Variants in CARD9 observed in about 807,000 individuals in gnomAD.
CARD9 encodes the protein caspase recruitment domain-containing protein 9.
In CARD9, 53 loss-of-function variants were observed where a neutral mutation model predicts 66.0. That is an observed-to-expected ratio of 0.80 (90% CI 0.64 to 1.01). The LOEUF is 1.01. Ranked by LOEUF, CARD9 falls within the 50% of genes least tolerant of loss-of-function variation. CARD9 has a pLI of 0.00. For synonymous variants in CARD9, 387 were observed against 313.8 expected (o/e 1.23, Z -2.47); for missense variants, 769 against 743.2 (o/e 1.03, Z -0.40).
At position 136,364,959 on chromosome 9, in the gene CARD9, A is replaced by AGGG. The variant is rs1313130229; in HGVS notation, c.1434+179_1434+181dup. 8 of 528,714 alleles carry AGGG rather than the reference A, an allele frequency of 1.5e-5. No individual in the cohort carries two copies. The East Asian group carries it at 2.4e-4, about 16-fold the overall frequency. 32.8% of individuals were successfully genotyped at this position (528,714 alleles called of 1,614,324 possible). A position where few individuals can be genotyped will look rare whatever the true frequency, so the allele number is the denominator to read the frequency against. On this transcript the variant is annotated intron_variant, in intron 11 of 12. Coordinates refer to ENST00000371732, the MANE Select transcript of CARD9 (RefSeq NM_052813.5). The stretch of plus-strand genomic sequence containing the variant: ...CCCAAGCTGCTGCAGTGCCCAAGAA[A>AGGG]GGGGGATCCACTTCGCAGCCCAGAC...
At position 136,367,663 on chromosome 9, in the gene CARD9, G is replaced by T. The variant is rs754119986; in HGVS notation, c.1243C>A (p.Arg415=). The T allele has an allele frequency of 2.5e-6, 4 of 1,595,366 alleles. No homozygotes were observed. The highest frequency in any genetic ancestry group is 3.4e-6 in the Non-Finnish European group (4 of 1,176,692). The change falls in exon 8 of 13, where the codon CGG becomes AGG. Residue 415 remains arginine, a synonymous_variant. Coordinates refer to ENST00000371732, the MANE Select transcript of CARD9 (RefSeq NM_052813.5). The part of the protein sequence containing the change: ...QLLAVEGRLR[R]QQLETLVLSS... ...AGGACGAGCGTCTCCAGCTGCTGCCGCCTGAGCCTGCCCTCCACGGCCAGT... is the reference window on the plus strand; with the variant it reads ...AGGACGAGCGTCTCCAGCTGCTGCCTCCTGAGCCTGCCCTCCACGGCCAGT...
intron 7 of CARD9, among the ~76,000 whole-genome samples, chr9:136,368,128 G>A (rs2131438769): frequency 6.6e-6 from 1 of 152,344 alleles, no homozygotes; most frequent in African/African-American, 2.4e-5. Flanking sequence ...GACGCGGCTT[G>A]ATATGGAGAC....
At position 136,364,311 on chromosome 9, in the gene CARD9, C is replaced by T; in HGVS notation, c.1602G>A (p.Glu534=). 1.9e-6 allele frequency: 3 copies of T among 1,558,906 alleles called. No individual in the cohort carries two copies. Among genetic ancestry groups the T allele is most frequent in the Non-Finnish European group, 2.6e-6 (3 of 1,151,816 alleles). The change falls in exon 13 of 13, where the codon GAG becomes GAA. Residue 534 remains glutamate (E), a synonymous_variant. Transcript: ENST00000371732. The stretch of plus-strand genomic sequence containing the variant: ...GCCTGCGCTGCTGCGGCTAGGAGCC[C>T]TCAGTGTCGGTGTTGTCGCTGCCCG... The part of the protein sequence containing the change: ...NTTGSDNTDT[E]GS
intron 11 of CARD9, chr9:136,364,878 C>G (rs1369042736): frequency 3.4e-6 from 2 of 595,488 alleles, no homozygotes; most frequent in African/African-American, 3.7e-5. Context: ...ACCTCCTCAT[C>G]CACTGTAAAG....
Position 136,371,324 on chromosome 9 carries a change from C to A in CARD9, c.322G>T (p.Asp108Tyr), listed in dbSNP as rs761129740. 1 of 1,602,350 alleles carries A rather than the reference C, an allele frequency of 6.2e-7. No homozygotes were observed. Among genetic ancestry groups the A allele is most frequent in the Admixed American group, 1.7e-5 (1 of 58,684 alleles). The part of the protein sequence containing the change: ...EPARVFSMII[D>Y]ASGESGLTQL... ...CGGCCCCGCCTCCCCCGTCACTCAC[C>A]GATGATCATGGAGAAGACGCGGGCC... is the stretch of plus-strand genomic sequence containing the variant. Residue 108 changes from aspartate (D) to tyrosine (Y), a missense_variant and splice_region_variant, in exon 3 of 13, where the codon GAC becomes TAC. By Grantham distance (160) the Asp-to-Tyr change is radical (BLOSUM62 -3). Coordinates refer to ENST00000371732, the MANE Select transcript of CARD9 (RefSeq NM_052813.5).
Position 136,367,120 on chromosome 9 carries a change from C to T in CARD9, c.1311+96G>A, listed in dbSNP as rs1278752804. On this transcript the variant is annotated intron_variant, in intron 9 of 12. Transcript: ENST00000371732. ...CCCAGCCCAGCCCACCGAGCAGGGCCATGTGACGGGCAGTGTGGGGCTATG... is the reference window on the plus strand; with the variant it reads ...CCCAGCCCAGCCCACCGAGCAGGGCTATGTGACGGGCAGTGTGGGGCTATG... The T allele has an allele frequency of 3.6e-6, 5 of 1,393,624 alleles. No individual in the cohort carries two copies. The African/African-American group carries it at 7.1e-5, about 20-fold the overall frequency. 86.3% of individuals were successfully genotyped at this position (1,393,624 alleles called of 1,614,324 possible).
chr9:136,371,431 C>T lies in CARD9; in HGVS notation c.215G>A (p.Gly72Asp), dbSNP rs865827438. 1 of 1,582,646 alleles carries T rather than the reference C, an allele frequency of 6.3e-7. No individual in the cohort carries two copies. Among genetic ancestry groups the T allele is most frequent in the Non-Finnish European group, 8.6e-7 (1 of 1,163,906 alleles). Reference protein sequence around the residue: ...GVLLDILQRTGHKGYVAFLES... With the variant: ...GVLLDILQRTDHKGYVAFLES... Reference sequence around the variant, plus strand: ...GAGGAAGGCCACGTAGCCCTTGTGGCCGGTCCGCTGCAGGATGTCCAGGAG... The same window carrying T: ...GAGGAAGGCCACGTAGCCCTTGTGGTCGGTCCGCTGCAGGATGTCCAGGAG... The change falls in exon 3 of 13, where the codon GGC (glycine) becomes GAC (aspartate). Residue 72 changes from glycine to aspartate, a missense_variant. Transcript: ENST00000371732.
rs374115294 is a variant in CARD9 at position 136,365,151 on chromosome 9, C to A, written c.1424G>T (p.Arg475Leu). ...FAALHQEQVL[R>L]NPHDAGLSSG... ...CCGGGGAAGCCTTACATGGGGGTTCCGCAAAACCTGCTCCTGGTGCAGAGC... is the reference window on the plus strand; with the variant it reads ...CCGGGGAAGCCTTACATGGGGGTTCAGCAAAACCTGCTCCTGGTGCAGAGC... The change falls in exon 11 of 13, where the codon CGG becomes CTG. Residue 475 changes from arginine (R) to leucine (L), a missense_variant. Transcript: ENST00000371732. 20 of 1,612,116 alleles carry A rather than the reference C, an allele frequency of 1.2e-5. No individual in the cohort carries two copies. The highest frequency in any genetic ancestry group is 1.7e-5 in the Non-Finnish European group (20 of 1,179,872).
intron 11 of CARD9, 29 bp downstream of exon 11, chr9:136,365,111 TG>T: frequency 6.2e-7 from 1 of 1,609,094 alleles, no homozygotes; most frequent in Non-Finnish European, 8.5e-7. Flanking sequence ...GGCCCACGGC[TG>T]GGAGGACCCC....
Position 136,364,021 on chromosome 9 carries a change from T to G in CARD9, c.*281A>C. 7.5e-7 allele frequency: 1 copy of G among 1,338,128 alleles called. No homozygotes were observed. Among genetic ancestry groups the G allele is most frequent in the Non-Finnish European group, 1.0e-6 (1 of 953,202 alleles). The allele number at this position is 1,338,128 out of a possible 1,614,324, so 82.9% of individuals were successfully genotyped here. On this transcript the variant is annotated 3_prime_UTR_variant, in exon 13 of 13. Transcript: ENST00000371732. The stretch of plus-strand genomic sequence containing the variant: ...CTAACACTAATACAATGCATGCATG[T>G]ATTGTGTGTTACATGGTGAAACAGA...
rs1833276526 is a variant in CARD9, at chr9:136,371,599, C to T, written c.185-138G>A. On this transcript the variant is annotated intron_variant, in intron 2 of 12. Coordinates refer to ENST00000371732, the MANE Select transcript of CARD9 (RefSeq NM_052813.5). ...GTGGTCTGGGTCTTGGATGAGGTAC[C>T]CTGCGGGTCTTGGTACTAGGCTGGG... 8.8e-6 allele frequency: 12 copies of T among 1,369,066 alleles called. No homozygotes were observed. The South Asian group carries it at 1.5e-4, about 17-fold the overall frequency. The allele number at this position is 1,369,066 out of a possible 1,614,324, so 84.8% of individuals were successfully genotyped here.
At chr9:136,368,926 T>A (rs2131440257) in intron 7 of CARD9, among the ~76,000 whole-genome samples, 2 of 152,232 alleles carry the variant, frequency 1.3e-5, no homozygotes, top group East Asian at 3.9e-4. Context: ...TTCAAGCAAT[T>A]CTCCTGCCTC....
chr9:136,364,070 G>A lies in CARD9; in HGVS notation c.*232C>T, dbSNP rs1162640706. On this transcript the variant is annotated 3_prime_UTR_variant, in exon 13 of 13. Transcript: ENST00000371732. ...GAACAGATCCTGAAGTTACACAGAT[G>A]GCGTGTGCATGGGGGTGGTGAGCAC... The A allele has an allele frequency of 2.6e-6, 4 of 1,545,100 alleles. No individual in the cohort carries two copies. In the Admixed American group the frequency reaches 7.8e-5, roughly 30 times the overall value.
chr9:136,370,210 C>A, intron 6 of CARD9, 84 bp downstream of exon 6: 1 of 1,545,250 alleles, frequency 6.5e-7, no homozygotes. Flanking sequence ...CACACCCCAC[C>A]TTCCAGGCAC....
At chr9:136,366,693 G>A in intron 10 of CARD9, 107 bp downstream of exon 10, 3 of 1,194,112 alleles carry the variant, frequency 2.5e-6, no homozygotes, top group African/African-American at 1.5e-5. Context: ...TGGAGTGGGG[G>A]TTGTGGGGGT....
At chr9:136,369,905 G>A (rs371476104) in intron 6 of CARD9, 30 bp from the exon 7 acceptor site, 302 of 1,608,712 alleles carry the variant, frequency 1.9e-4, no homozygotes, top group Non-Finnish European at 2.4e-4. Flanking sequence ...AGCCCCCACA[G>A]GCCTGAGGCC....
intron 2 of CARD9, among the ~76,000 whole-genome samples, 166 bp from the exon 3 acceptor site, chr9:136,371,627 C>T (rs1833277232): frequency 6.6e-6 from 1 of 152,116 alleles, no homozygotes; most frequent in Non-Finnish European, 1.5e-5. Flanking sequence ...AGGCTGGGGA[C>T]CAAGTGCTGC....
At position 136,364,010 on chromosome 9, in the gene CARD9, A is replaced by C; in HGVS notation, c.*292T>G. 3 of 1,298,234 alleles carry C rather than the reference A, an allele frequency of 2.3e-6. No homozygotes were observed. Among genetic ancestry groups the C allele is most frequent in the African/African-American group, 1.5e-5 (1 of 68,168 alleles). The allele number at this position is 1,298,234 out of a possible 1,614,324, so 80.4% of individuals were successfully genotyped here. ...AGCTGTGTTTTCTAACACTAATACA[A>C]TGCATGCATGTATTGTGTGTTACAT... On this transcript the variant is annotated 3_prime_UTR_variant, in exon 13 of 13. Transcript: ENST00000371732.
chr9:136,367,446 T>C, intron 8 of CARD9, 189 bp from the exon 9 acceptor site: 1 of 924,668 alleles, frequency 1.1e-6, no homozygotes, highest in Non-Finnish European at 1.6e-6. Context: ...ACCCCGGCCC[T>C]GCAGCCCCAC....
Sources: gnomAD v4.1 joint callset for allele counts (sites outside exome capture counted in the v4.1 genomes callset) on GRCh38, gnomAD v4.1.1 for gene constraint, MANE v1.5 for transcripts, NCBI Gene and HGNC (gene_info 2026-07-23, HGNC 2026-07-21) for gene names.